Variants in GPM6A observed in about 807,000 individuals in gnomAD.
The protein encoded by GPM6A is glycoprotein M6A.
Under a neutral mutation model 32.1 loss-of-function variants are expected in GPM6A, and 7 were observed. The ratio of observed to expected loss-of-function variants is 0.22; its 90% confidence interval spans 0.12 to 0.41. The LOEUF is 0.41. Among genes scored for constraint, GPM6A ranks in the 10% least tolerant of loss-of-function variants. The probability of loss-of-function intolerance (pLI) is 1.00; values close to 1 mark genes in which losing one functional copy is unlikely to be tolerated. For synonymous variants in GPM6A, 130 were observed against 123.4 expected, an observed-to-expected ratio of 1.05 and a Z score of -0.35; for missense variants, 235 against 347.2, an observed-to-expected ratio of 0.68 and a Z score of 2.57.
intron 1 of GPM6A, among the ~76,000 whole-genome samples, chr4:175,879,192 T>C (rs1029297231): frequency 9.2e-5 from 14 of 152,106 alleles, no homozygotes; most frequent in African/African-American, 3.1e-4. Flanking sequence ...CTCTAGGAGG[T>C]AGCAAACTTT....
intron 6 of GPM6A, among the ~76,000 whole-genome samples, chr4:175,639,119 T>C (rs754429050): frequency 6.6e-6 from 1 of 152,190 alleles, no homozygotes; most frequent in Non-Finnish European, 1.5e-5. Context: ...CAAAAATTCA[T>C]GTTAGTACTG....
At chr4:175,784,907 G>C (rs137866714) in intron 1 of GPM6A, among the ~76,000 whole-genome samples, 252 of 152,252 alleles carry the variant, frequency 1.7e-3, no homozygotes, top group Middle Eastern at 0.01. Flanking sequence ...TAAATCAATT[G>C]CCTCAATCCT....
At chr4:175,941,083 G>A (rs1212691297) in intron 1 of GPM6A, among the ~76,000 whole-genome samples, 1 of 152,154 alleles carries the variant, frequency 6.6e-6, no homozygotes, top group African/African-American at 2.4e-5. Flanking sequence ...TTTACTAAGT[G>A]ATATAAAAGA....
intron 1 of GPM6A, among the ~76,000 whole-genome samples, chr4:175,755,502 G>T (rs1375471471): frequency 6.6e-6 from 1 of 152,098 alleles, no homozygotes; most frequent in African/African-American, 2.4e-5. Flanking sequence ...AAGAATTAAG[G>T]TTCAGGGTAT....
intron 1 of GPM6A, among the ~76,000 whole-genome samples, chr4:175,966,857 T>C (rs1166317139): frequency 6.6e-6 from 1 of 152,164 alleles, no homozygotes; most frequent in Non-Finnish European, 1.5e-5. Flanking sequence ...CAAATGAAGA[T>C]GGGTCTACTA....
chr4:175,788,164 G>A (rs901110182), intron 1 of GPM6A: 5 of 152,160 alleles, frequency 3.3e-5, no homozygotes, highest in Admixed American at 3.3e-4. Flanking sequence ...CAAATGGAAA[G>A]GGGAGAGAGA....
rs182413528 is a variant in GPM6A at position 175,859,885 on chromosome 4, C to T, written c.-22-47636G>A. On this transcript the variant is annotated intron_variant, in intron 1 of 7. Transcript: ENST00000280187. ...CAAGGGCTCTAATGTAAAAAGTAGGCAACACAAAATAGCTGCTAAATACCA... is the reference window on the plus strand; with the variant it reads ...CAAGGGCTCTAATGTAAAAAGTAGGTAACACAAAATAGCTGCTAAATACCA... 2.0e-5 allele frequency among the ~76,000 whole-genome samples: 3 copies of T among 152,088 alleles called. No homozygotes were observed. In the East Asian group the frequency reaches 5.8e-4, roughly 29 times the overall value.
intron 1 of GPM6A, among the ~76,000 whole-genome samples, chr4:175,735,468 C>T (rs1731618237): frequency 6.6e-6 from 1 of 152,040 alleles, no homozygotes; most frequent in Non-Finnish European, 1.5e-5. Flanking sequence ...GATGATATCA[C>T]TGTAAAATTT....
intron 3 of GPM6A, among the ~76,000 whole-genome samples, chr4:175,671,477 GAAAAAAAAAAAAAAAAAAAAA>G (rs544889132): frequency 4.1e-5 from 1 of 24,394 alleles, no homozygotes; most frequent in African/African-American, 1.6e-4. Flanking sequence ...GCCTACAAAC[GAAAAAAAAAAAAAAAAAAAAA>G]AAAAAAAAGC....
intron 1 of GPM6A, among the ~76,000 whole-genome samples, chr4:175,760,440 A>G (rs1193006284): frequency 2.6e-5 from 4 of 152,154 alleles, no homozygotes; most frequent in Admixed American, 6.6e-5. Context: ...AAGCAACACA[A>G]CAACCTTGGG....
upstream of GPM6A, chr4:175,812,283 A>C (rs139008815): frequency 1.9e-6 from 2 of 1,027,664 alleles, no homozygotes; most frequent in Admixed American, 4.3e-5. Flanking sequence ...GCTCAATTAG[A>C]TGTTGGAAAA....
intron 1 of GPM6A, among the ~76,000 whole-genome samples, chr4:175,925,850 CTTTT>C (rs60669466): frequency 1.5e-5 from 2 of 135,120 alleles, no homozygotes; most frequent in Non-Finnish European, 3.2e-5. Context: ...CTTTTCTTTT[CTTTT>C]TTTTTTTTTT....
rs183574941 is a variant in GPM6A, at chr4:175,804,201, G to A, written c.37+7990C>T. ...TTCTATTATTGAATATTGAAATATT[G>A]AAAGGTGTTTGAAGAAAAATAAATA... On this transcript the variant is annotated intron_variant, in intron 1 of 6. Coordinates refer to ENST00000393658, the MANE Select transcript of GPM6A (RefSeq NM_201591.3). Among the ~76,000 whole-genome samples, 309 of 152,194 alleles carry A rather than the reference G, an allele frequency of 2.0e-3. 4 individuals are homozygous for A. Among genetic ancestry groups the A allele is most frequent in the African/African-American group, 7.1e-3 (293 of 41,530 alleles).
At chr4:175,891,785 A>G (rs1243309274) in intron 1 of GPM6A, 1 of 152,246 alleles carries the variant, frequency 6.6e-6, no homozygotes. Flanking sequence ...CCAAATTTAT[A>G]CTTGGAATAG....
chr4:175,942,726 C>T (rs1477181469), intron 1 of GPM6A, among the ~76,000 whole-genome samples: 1 of 151,992 alleles, frequency 6.6e-6, no homozygotes, highest in Non-Finnish European at 1.5e-5. Flanking sequence ...TGTTCTGTTC[C>T]GTTGGTCTAT....
chr4:175,861,714 C>T (rs1373905640), intron 1 of GPM6A, among the ~76,000 whole-genome samples: 1 of 137,608 alleles, frequency 7.3e-6, no homozygotes, highest in African/African-American at 2.7e-5. Context: ...TGGTACCATG[C>T]ACTCCAGGCT....
At chr4:175,964,287 AAAAC>A (rs904314013) in intron 1 of GPM6A, among the ~76,000 whole-genome samples, 9 of 104,878 alleles carry the variant, frequency 8.6e-5, no homozygotes, top group African/African-American at 1.5e-4. Context: ...ATGTTGTCCA[AAAAC>A]AAACAAACAA....
chr4:175,935,751 CA>C (rs978771337), intron 1 of GPM6A, among the ~76,000 whole-genome samples: 32 of 151,966 alleles, frequency 2.1e-4, no homozygotes, highest in African/African-American at 7.2e-4. Context: ...AATATAACCC[CA>C]ATAAAAATTT....
intron 1 of GPM6A, among the ~76,000 whole-genome samples, chr4:175,951,913 C>T (rs1005917716): frequency 2.0e-5 from 3 of 152,082 alleles, no homozygotes; most frequent in African/African-American, 7.2e-5. Context: ...AGAGGGAATT[C>T]TCCAGCAGTC....
Sources: gnomAD v4.1 joint callset for allele counts (sites outside exome capture counted in the v4.1 genomes callset) on GRCh38, gnomAD v4.1.1 for gene constraint, MANE v1.5 for transcripts, NCBI Gene and HGNC (gene_info 2026-07-23, HGNC 2026-07-21) for gene names.